The following BRF1 variants were observed in gnomAD, a reference collection of about 807,000 sequenced individuals.
BRF1 encodes transcription factor IIIB 90 kDa subunit.
Under a neutral mutation model 81.7 loss-of-function variants are expected in BRF1, and 59 were observed. The ratio of observed to expected loss-of-function variants is 0.72; its 90% confidence interval spans 0.59 to 0.90. The LOEUF (loss-of-function observed/expected upper bound fraction) is 0.90. BRF1 is among the 40% of genes least tolerant of loss of function. The pLI is 0.00. For synonymous variants in BRF1, 491 were observed against 395.6 expected (o/e 1.24, Z -2.86); for missense variants, 1,050 against 936.3 (o/e 1.12, Z -1.58).
chr14:105,300,603 G>A lies in BRF1; in HGVS notation c.27C>T (p.Cys9=), dbSNP rs866812241. 8 of 1,444,196 alleles carry A rather than the reference G, an allele frequency of 5.5e-6. No homozygotes were observed. The highest frequency in any genetic ancestry group is 2.4e-4 in the Middle Eastern group (1 of 4,126). The allele number at this position is 1,444,196 out of a possible 1,614,324, so 89.5% of individuals were successfully genotyped here. A position where few individuals can be genotyped will look rare whatever the true frequency, so the allele number is the denominator to read the frequency against. The stretch of plus-strand genomic sequence containing the variant: ...CGTCCAGCTCGATGTCCGTGCCGCC[G>A]CAACCGCGGCACACGCGGCCCGTCA... MTGRVCRG[C]GGTDIELDAA... is the part of the protein sequence containing the mutation. Residue 9 remains cysteine (C), a synonymous_variant, in exon 1 of 18, where the codon TGC becomes TGT. Transcript: ENST00000547530.
intron 1 of BRF1, among the ~76,000 whole-genome samples, chr14:105,291,192 A>G (rs1427407072): frequency 6.6e-6 from 1 of 152,156 alleles, no homozygotes; most frequent in Non-Finnish European, 1.5e-5. Flanking sequence ...CCAGAGCCAG[A>G]GCAGGGCCAG....
chr14:105,248,838 G>A (rs1385042094), intron 5 of BRF1: 4 of 989,686 alleles, frequency 4.0e-6, no homozygotes, highest in East Asian at 2.2e-4. Flanking sequence ...GTCCACAGGC[G>A]CCGAGGCTGC....
At chr14:105,227,660 A>T (rs2141580674) in intron 7 of BRF1, 1 of 152,430 alleles carries the variant, frequency 6.6e-6, no homozygotes, top group East Asian at 1.9e-4. Flanking sequence ...TGAAGAGAGG[A>T]GGCTGGGCTA....
At chr14:105,272,409 C>T (rs887682003) in intron 3 of BRF1, among the ~76,000 whole-genome samples, 10 of 152,220 alleles carry the variant, frequency 6.6e-5, no homozygotes, top group Admixed American at 2.6e-4. Context: ...GTGGAGACAG[C>T]ACCCAAGGCG....
intron 2 of BRF1, among the ~76,000 whole-genome samples, chr14:105,285,459 C>T (rs1053292444): frequency 6.6e-6 from 1 of 152,214 alleles, no homozygotes; most frequent in African/African-American, 2.4e-5. Flanking sequence ...TGGGTCTGCA[C>T]GTGCAGGAGT....
intron 5 of BRF1, chr14:105,250,231 C>T (rs147246881): frequency 3.7e-5 from 59 of 1,612,846 alleles, no homozygotes; most frequent in South Asian, 1.1e-5. Flanking sequence ...AGAGGTGCCA[C>T]CGATTCCAGT....
intron 1 of BRF1, among the ~76,000 whole-genome samples, chr14:105,311,059 T>G (rs1249880417): frequency 6.6e-6 from 1 of 152,098 alleles, no homozygotes; most frequent in Non-Finnish European, 1.5e-5. Context: ...TTCAAGCGAT[T>G]CTCCTGCCTC....
intron 1 of BRF1, among the ~76,000 whole-genome samples, chr14:105,311,497 T>C (rs1009172379): frequency 6.6e-6 from 1 of 152,106 alleles, no homozygotes; most frequent in Admixed American, 6.5e-5. Flanking sequence ...TCACGGGATC[T>C]GTGCGCTTTG....
chr14:105,221,812 T>C lies in BRF1; in HGVS notation c.1151A>G (p.Glu384Gly). 1.9e-6 allele frequency: 3 copies of C among 1,611,458 alleles called. No homozygotes were observed. The highest frequency in any genetic ancestry group is 2.5e-6 in the Non-Finnish European group (3 of 1,179,530). The change falls in exon 11 of 18, where the codon GAG (glutamate) becomes GGG (glycine). Residue 384 changes from glutamate (E) to glycine (G), a missense_variant. This residue lies in a region of BRF1 where 1,043 missense variants were observed against 915.4 expected (regional missense o/e 1.14). Coordinates refer to ENST00000547530, the MANE Select transcript of BRF1 (RefSeq NM_001519.4). ...ASHLNKDLYR[E>G]LLGGAPGSSE... Reference sequence around the variant, plus strand: ...GCTGCCGGGGGCACCACCAAGGAGCTCCCGGTATAAGTCTTTGTTCAGGTG... The same window carrying C: ...GCTGCCGGGGGCACCACCAAGGAGCCCCCGGTATAAGTCTTTGTTCAGGTG...
rs1424693372 is a variant in BRF1 at position 105,313,735 on chromosome 14, GC to G, written c.-162+1586del. Among the ~76,000 whole-genome samples the G allele has an allele frequency of 1.1e-4, 16 of 152,360 alleles. No individual in the cohort carries two copies. In the East Asian group the frequency reaches 3.1e-3, roughly 29 times the overall value. On this transcript the variant is annotated intron_variant, in intron 1 of 17. Transcript: ENST00000327359. ...GACAAGACACAGGGCGAAGAGAAAA[GC>G]AACTGTAAACTAACTGTGAAACAAG...
intron 3 of BRF1, among the ~76,000 whole-genome samples, chr14:105,260,945 C>T (rs966909931): frequency 4.6e-5 from 7 of 152,238 alleles, no homozygotes; most frequent in South Asian, 2.1e-4. Flanking sequence ...GCCTACAGGT[C>T]CCCCAGCTAA....
chr14:105,255,719 G>T (rs587696447), intron 4 of BRF1, among the ~76,000 whole-genome samples: 2 of 152,316 alleles, frequency 1.3e-5, no homozygotes, highest in East Asian at 3.8e-4. Context: ...TTTCCACTCT[G>T]TCACTTTGTT....
At position 105,226,096 on chromosome 14, in the gene BRF1, C is replaced by T; in HGVS notation, c.1021G>A (p.Gly341Arg). ...TCTTTTGCCAGGCTGGCCAGGCCCC[C>T]CTTGGCCTTTGGCCGGCTGTTTTCT... ...ELENSRPKAK[G>R]GLASLAKDGS... The change falls in exon 10 of 18, where the codon GGG becomes AGG. Residue 341 changes from glycine (G) to arginine (R), a missense_variant. Transcript: ENST00000547530. The T allele has an allele frequency of 6.2e-7, 1 of 1,613,936 alleles. No homozygotes were observed. The highest frequency in any genetic ancestry group is 8.5e-7 in the Non-Finnish European group (1 of 1,180,032).
Position 105,226,676 on chromosome 14 carries a change from G to C in BRF1, c.873C>G (p.Pro291=), listed in dbSNP as rs776931714. The C allele has an allele frequency of 1.9e-6, 3 of 1,613,448 alleles. No homozygotes were observed. In the South Asian group the frequency reaches 3.3e-5, roughly 18 times the overall value. The change falls in exon 8 of 18, where the codon CCC becomes CCG. Residue 291 remains proline, a synonymous_variant. Transcript: ENST00000547530. ...MKIDLEEECD[P]PSYTAGQRKL... is the part of the protein sequence containing the mutation. Reference sequence around the variant, plus strand: ...TCCTCTGCCCAGCTGTGTACGAGGGGGGGTCGCACTCCTCCTCCAGGTCGA... The same window carrying C: ...TCCTCTGCCCAGCTGTGTACGAGGGCGGGTCGCACTCCTCCTCCAGGTCGA...
chr14:105,254,986 GC>G (rs34516828), intron 4 of BRF1, among the ~76,000 whole-genome samples: 5,450 of 152,118 alleles, frequency 0.036, 177 homozygotes, highest in African/African-American at 0.086. Context: ...ACAGCCAGCT[GC>G]CCCCCCCATC....
chr14:105,299,536 T>C (rs1056803322), intron 1 of BRF1, among the ~76,000 whole-genome samples: 5 of 150,998 alleles, frequency 3.3e-5, no homozygotes, highest in African/African-American at 4.9e-5. Context: ...GACTGGGCCA[T>C]TGCACACCAG....
rs1156684510 is a variant in BRF1 at position 105,309,839 on chromosome 14, G to A, written c.-162+5483C>T. Among the ~76,000 whole-genome samples the A allele has an allele frequency of 1.4e-5, 2 of 142,406 alleles. No individual in the cohort carries two copies. The highest frequency in any genetic ancestry group is 3.0e-5 in the Non-Finnish European group (2 of 66,994). 93.4% of individuals were successfully genotyped at this position (142,406 alleles called of 152,430 possible). On this transcript the variant is annotated intron_variant, in intron 1 of 17. Coordinates refer to the BRF1 transcript ENST00000327359. The surrounding 1 kb of genome is among the most constrained non-coding windows in gnomAD (Gnocchi z 4.0). ...CTCACTCTCTTGCCCAGGCAGGAGT[G>A]CAGTGGCACAATCTCGGCTCACTGC...
intron 12 of BRF1, 169 bp downstream of exon 12, chr14:105,219,900 G>GT (rs1891992055): frequency 9.7e-6 from 7 of 718,518 alleles, no homozygotes; most frequent in East Asian, 5.4e-5. Context: ...AGAAGAGAGT[G>GT]TGGGGGGGGG....
rs1250267611 is a variant in BRF1, at chr14:105,309,820, C to T, written c.-162+5502G>A. ...TTTTTTTTTTAGACGGAGTCTCACT[C>T]TCTTGCCCAGGCAGGAGTGCAGTGG... On this transcript the variant is annotated intron_variant, in intron 1 of 17. Coordinates refer to the BRF1 transcript ENST00000327359. This position sits in a 1 kb window ranked among gnomAD's most constrained non-coding sequence, Gnocchi z 4.0. 2.3e-5 allele frequency among the ~76,000 whole-genome samples: 3 copies of T among 128,800 alleles called. No homozygotes were observed. The highest frequency in any genetic ancestry group is 9.0e-5 in the Admixed American group (1 of 11,132). The allele number at this position is 128,800 out of a possible 152,430, so 84.5% of individuals were successfully genotyped here. A position where few individuals can be genotyped will look rare whatever the true frequency, so the allele number is the denominator to read the frequency against.
Sources: gnomAD v4.1 joint callset for allele counts (sites outside exome capture counted in the v4.1 genomes callset) on GRCh38, gnomAD v4.1.1 for gene constraint, gnomAD v4.1.1 regional missense constraint, Gnocchi (gnomAD v3.1) non-coding constraint, MANE v1.5 for transcripts, NCBI Gene and HGNC (gene_info 2026-07-23, HGNC 2026-07-21) for gene names.